SFI1: variants seen among roughly 807,000 people sequenced by gnomAD.
The protein encoded by SFI1 is SFI1 centrin binding protein, also known as protein SFI1 homolog.
SFI1 carries 195 observed loss-of-function variants against 207.5 expected under a neutral mutation model. The observed-to-expected ratio is 0.94, with a 90% CI of 0.84 to 1.06. The LOEUF (loss-of-function observed/expected upper bound fraction) is 1.06, where lower values mean the gene tolerates loss of function less well. SFI1 is among the 50% of genes least tolerant of loss of function. The pLI, the probability that SFI1 is intolerant of heterozygous loss-of-function variation, is 0.00. For synonymous variants in SFI1, 630 were observed against 598.9 expected (o/e 1.05, Z -0.76); for missense variants, 1,634 against 1,588.0 (o/e 1.03, Z -0.49).
chr22:31,503,426 T>G (rs2054126709), intron 1 of SFI1, among the ~76,000 whole-genome samples: 1 of 152,122 alleles, frequency 6.6e-6, no homozygotes, highest in Non-Finnish European at 1.5e-5. Context: ...TTTTCCTTTC[T>G]TGTAAAACCT....
At chr22:31,618,043 G>A in intron 31 of SFI1, 72 bp from the exon 32 acceptor site, 12 of 1,480,632 alleles carry the variant, frequency 8.1e-6, no homozygotes, top group Non-Finnish European at 1.1e-5. Flanking sequence ...TAGCTGAGGT[G>A]CCTCTCCCTG....
rs58333559 is a variant in SFI1, at chr22:31,553,838, G to GTT, written c.545-3075_545-3074dup. Among the ~76,000 whole-genome samples, 120 of 26,300 alleles carry GTT rather than the reference G, an allele frequency of 4.6e-3. 50 individuals are homozygous for GTT. Among genetic ancestry groups the GTT allele is most frequent in the East Asian group, 0.023 (17 of 736 alleles). 17.3% of individuals were successfully genotyped at this position (26,300 alleles called of 152,430 possible). The stretch of plus-strand genomic sequence containing the variant: ...ATTCTATTTTTTTTTAATGGATTAT[G>GTT]TTTTTTTTTTTTTTTTTTTTTTTTT... On this transcript the variant is annotated intron_variant, in intron 6 of 32. Transcript: ENST00000400288.
chr22:31,601,904 C>G (rs762023040), intron 15 of SFI1, among the ~76,000 whole-genome samples: 1 of 151,980 alleles, frequency 6.6e-6, no homozygotes, highest in Non-Finnish European at 1.5e-5. Flanking sequence ...GCGATCCCCC[C>G]ACCTCAGCCT....
At chr22:31,582,222 A>ATG (rs1340101212) in intron 12 of SFI1, among the ~76,000 whole-genome samples, 15 of 31,490 alleles carry the variant, frequency 4.8e-4, no homozygotes, top group African/African-American at 1.0e-3. Context: ...ATATATATAT[A>ATG]TATATATATA....
At chr22:31,593,988 G>GC (rs1569421664) in intron 15 of SFI1, among the ~76,000 whole-genome samples, 292 of 26,904 alleles carry the variant, frequency 0.011, 2 homozygotes, top group African/African-American at 0.031. Context: ...AGACGGAGAC[G>GC]AGGGAGAGGG....
At chr22:31,606,685 CTTTTTTTCTTTTTTT>C (rs2069044386) in intron 21 of SFI1, 1 of 183,998 alleles carries the variant, frequency 5.4e-6, no homozygotes, top group African/African-American at 2.9e-5. Flanking sequence ...CCAGTATTTT[CTTTTTTTCTTTTTTT>C]TTTTTTTTTT....
intron 2 of SFI1, among the ~76,000 whole-genome samples, chr22:31,515,596 G>A (rs769401705): frequency 2.6e-5 from 4 of 151,096 alleles, no homozygotes; most frequent in East Asian, 2.0e-4. Flanking sequence ...GGTTGCCCAC[G>A]CTGGTCTTGA....
chr22:31,561,339 C>T lies in SFI1; in HGVS notation c.712C>T (p.Arg238Cys), dbSNP rs772219147. 8 of 1,613,964 alleles carry T rather than the reference C, an allele frequency of 5.0e-6. No individual in the cohort carries two copies. The highest frequency in any genetic ancestry group is 6.8e-6 in the Non-Finnish European group (8 of 1,180,016). ...GCGACTAGGACAGGTCCGTGTGAGC[C>T]GTGCCCTCCATGCCTCTGCTTTGAA... Reference protein sequence around the residue: ...RQRLGQVRVSRALHASALKHR... With the variant: ...RQRLGQVRVSCALHASALKHR... The change falls in exon 8 of 33, where the codon CGT becomes TGT. Residue 238 changes from arginine (R) to cysteine (C), a missense_variant. Coordinates refer to ENST00000400288, the MANE Select transcript of SFI1 (RefSeq NM_001007467.3).
At chr22:31,606,631 A>G (rs1238274750) in intron 21 of SFI1, 1 of 529,566 alleles carries the variant, frequency 1.9e-6, no homozygotes, top group Non-Finnish European at 3.4e-6. Context: ...ATATGCATTA[A>G]ATAGAAACAT....
At chr22:31,496,359 C>G (rs946720987), upstream of SFI1, 1 of 152,320 alleles carries the variant, frequency 6.6e-6, no homozygotes, top group African/African-American at 2.4e-5. Flanking sequence ...ATGCTCCACG[C>G]CCCTCGAAAC....
intron 27 of SFI1, 30 bp downstream of exon 27, chr22:31,613,885 C>T: frequency 6.4e-7 from 1 of 1,558,022 alleles, no homozygotes; most frequent in Non-Finnish European, 8.7e-7. Flanking sequence ...CTTGTCCTCG[C>T]TTCCACCCTG....
rs1047914574 is a variant in SFI1 at position 31,548,863 on chromosome 22, A to C, written c.450-1391A>C. Reference sequence around the variant, plus strand: ...TGTTAATAAAATATTTAAAACTAGGAAAATATGAAGAGATGAAGGTCTTAA... The same window carrying C: ...TGTTAATAAAATATTTAAAACTAGGCAAATATGAAGAGATGAAGGTCTTAA... On this transcript the variant is annotated intron_variant, in intron 5 of 32. Coordinates refer to ENST00000400288, the MANE Select transcript of SFI1 (RefSeq NM_001007467.3). 6.2e-4 allele frequency among the ~76,000 whole-genome samples: 94 copies of C among 152,054 alleles called. 2 individuals are homozygous for C. The highest frequency in any genetic ancestry group is 4.3e-3 in the Admixed American group (66 of 15,248).
chr22:31,531,246 C>T, intron 4 of SFI1, 117 bp downstream of exon 4: 1 of 775,436 alleles, frequency 1.3e-6, no homozygotes, highest in South Asian at 1.7e-5. Flanking sequence ...CCCCAGCCTC[C>T]AGTAGGTAGA....
intron 25 of SFI1, 57 bp from the exon 26 acceptor site, chr22:31,613,297 T>C: frequency 6.2e-7 from 1 of 1,606,244 alleles, no homozygotes; most frequent in South Asian, 1.1e-5. Flanking sequence ...GGGCACCTGG[T>C]CTGTGGGGGA....
chr22:31,615,238 C>T lies in SFI1; in HGVS notation c.3259C>T (p.Leu1087Phe), dbSNP rs368697264. The change falls in exon 29 of 33, where the codon CTT becomes TTT. Residue 1087 changes from leucine to phenylalanine, a missense_variant. Physicochemically the swap from Leu to Phe is conservative, Grantham distance 22. Transcript: ENST00000400288. ...AGGCCCGGAGCTGCTGCTGCTGCCT[C>T]TTTCCTCCTTCATGCCCTGCGGGGC... The part of the protein sequence containing the change: ...STGPELLLLP[L>F]SSFMPCGAAA... 77 of 1,534,538 alleles carry T rather than the reference C, an allele frequency of 5.0e-5. No homozygotes were observed. In the Middle Eastern group the frequency reaches 7.0e-4, roughly 14 times the overall value.
At chr22:31,555,956 AT>A (rs2061119636) in intron 6 of SFI1, among the ~76,000 whole-genome samples, 1 of 152,140 alleles carries the variant, frequency 6.6e-6, no homozygotes, top group Non-Finnish European at 1.5e-5. Context: ...ATATAATTTT[AT>A]TTTCTCCTTT....
At position 31,613,415 on chromosome 22, in the gene SFI1, G is replaced by A; in HGVS notation, c.2627G>A (p.Trp876Ter). Reference sequence around the variant, plus strand: ...AGGAGAAAGAAGGCGCGGCTGCAGTGGGCGCTCCAGGCCTACCAGGGGCAG... The same window carrying A: ...AGGAGAAAGAAGGCGCGGCTGCAGTAGGCGCTCCAGGCCTACCAGGGGCAG... ...ERRRKKARLQ[W>*]ALQAYQGQLL... The change falls in exon 26 of 33, where the codon TGG becomes TAG. Residue 876 changes from tryptophan to a stop codon, truncating the protein, a stop_gained. Transcript: ENST00000400288. LOFTEE classifies it high-confidence loss of function. 1 of 1,610,554 alleles carries A rather than the reference G, an allele frequency of 6.2e-7. No homozygotes were observed.
chr22:31,575,161 C>G, intron 9 of SFI1, 70 bp from the exon 10 acceptor site: 1 of 1,378,620 alleles, frequency 7.3e-7, no homozygotes, highest in East Asian at 2.6e-5. Flanking sequence ...TGGGGTTCAG[C>G]TTGTCTTAAA....
At chr22:31,503,691 G>A (rs1172648745) in intron 1 of SFI1, among the ~76,000 whole-genome samples, 1 of 146,948 alleles carries the variant, frequency 6.8e-6, no homozygotes, top group Non-Finnish European at 1.5e-5. Flanking sequence ...AGGTACAAGT[G>A]ATTCTCTTGT....
Sources: allele counts gnomAD v4.1 joint callset (sites outside exome capture counted in the v4.1 genomes callset), GRCh38; gene constraint gnomAD v4.1.1; transcripts MANE v1.5; gene names NCBI Gene and HGNC (gene_info 2026-07-23, HGNC 2026-07-21).